Variants in DNMT3A observed in about 807,000 individuals in gnomAD.
The protein encoded by DNMT3A is DNA methyltransferase 3 alpha.
DNMT3A carries 267 observed loss-of-function variants against 117.6 expected under a neutral mutation model. The observed-to-expected ratio is 2.27, with a 90% CI of 2.05 to 2.51. The LOEUF is 2.51. Among genes scored for constraint, DNMT3A ranks in the 30% most tolerant of loss-of-function variants. The pLI is 0.00. For synonymous variants in DNMT3A, 432 were observed against 474.8 expected (o/e 0.91, Z 1.17); for missense variants, 1,029 against 1,260.2 (o/e 0.82, Z 2.78).
chr2:25,240,221 A>C, intron 19 of DNMT3A, 81 bp downstream of exon 19: 1 of 1,588,006 alleles, frequency 6.3e-7, no homozygotes, highest in Non-Finnish European at 8.6e-7. Flanking sequence ...CCAGCTCCAC[A>C]ATGCAGATGA....
intron 20 of DNMT3A, among the ~76,000 whole-genome samples, chr2:25,238,100 G>A: frequency 6.6e-6 from 1 of 152,238 alleles, no homozygotes; most frequent in African/African-American, 2.4e-5. Context: ...GAAAGAAGCA[G>A]GCGAGAAATC....
Position 25,282,773 on chromosome 2 carries a change from A to G in DNMT3A, c.178-62T>C, listed in dbSNP as rs963574826. ...GATCAGTGGGCTTAGCCTGTTTTGG[A>G]TCATTGACCGCTCTGAAATTCTAGA... On this transcript the variant is annotated intron_variant, in intron 3 of 22. Coordinates refer to ENST00000321117, the MANE Select transcript of DNMT3A (RefSeq NM_022552.5). The surrounding 1 kb of genome is among the most constrained non-coding windows in gnomAD (Gnocchi z 5.2). The G allele has an allele frequency of 1.1e-5, 16 of 1,476,858 alleles. No individual in the cohort carries two copies. Among genetic ancestry groups the G allele is most frequent in the Non-Finnish European group, 1.2e-5 (13 of 1,112,402 alleles). 91.5% of individuals were successfully genotyped at this position (1,476,858 alleles called of 1,614,324 possible). A position where few individuals can be genotyped will look rare whatever the true frequency, so the allele number is the denominator to read the frequency against.
In DNMT3A at chr2:25,306,247, G is replaced by A. The variant is rs992159057; in HGVS notation, c.73-6004C>T. On this transcript the variant is annotated intron_variant, in intron 2 of 22. Coordinates refer to ENST00000321117, the MANE Select transcript of DNMT3A (RefSeq NM_022552.5). The surrounding 1 kb of genome is among the most constrained non-coding windows in gnomAD (Gnocchi z 4.1). The stretch of plus-strand genomic sequence containing the variant: ...CCAACCTGCAGAGGCTGATCCCAGC[G>A]TGAGGGGTCAGGCAGTGGGCTGGGA... Among the ~76,000 whole-genome samples the A allele has an allele frequency of 3.3e-5, 5 of 152,340 alleles. No homozygotes were observed. Among genetic ancestry groups the A allele is most frequent in the African/African-American group, 7.2e-5 (3 of 41,570 alleles).
intron 6 of DNMT3A, among the ~76,000 whole-genome samples, chr2:25,255,786 T>C (rs1287083329): frequency 2.0e-5 from 3 of 152,242 alleles, no homozygotes; most frequent in African/African-American, 7.2e-5. Context: ...GGGTGCATCA[T>C]TCTCCTGGGT....
chr2:25,273,404 T>C (rs1337785421), intron 6 of DNMT3A, among the ~76,000 whole-genome samples: 1 of 152,186 alleles, frequency 6.6e-6, no homozygotes, highest in Non-Finnish European at 1.5e-5. Context: ...TGGCCTCTGT[T>C]CTGCACTTTC....
Position 25,252,276 on chromosome 2 carries a change from TG to T in DNMT3A, c.640-4025del. On this transcript the variant is annotated intron_variant, in intron 6 of 22. Coordinates refer to ENST00000321117, the MANE Select transcript of DNMT3A (RefSeq NM_022552.5). This position sits in a 1 kb window ranked among gnomAD's most constrained non-coding sequence, Gnocchi z 5.5. Reference sequence around the variant, plus strand: ...AAGCTCTGGAAGTAGCTGCCCGTCTTGGGGGAGGGGAAGGGGGCGATGGGGC... The same window carrying T: ...AAGCTCTGGAAGTAGCTGCCCGTCTTGGGGAGGGGAAGGGGGCGATGGGGC... 2.0e-6 allele frequency: 1 copy of T among 502,234 alleles called. No individual in the cohort carries two copies. 31.1% of individuals were successfully genotyped at this position (502,234 alleles called of 1,614,324 possible).
At chr2:25,340,621 G>A (rs1490434032) in intron 1 of DNMT3A, among the ~76,000 whole-genome samples, 1 of 152,124 alleles carries the variant, frequency 6.6e-6, no homozygotes, top group African/African-American at 2.4e-5. Flanking sequence ...CGGGGTGCGG[G>A]GACGTGGGGC....
chr2:25,320,854 G>A (rs777242233), intron 1 of DNMT3A, among the ~76,000 whole-genome samples: 12 of 152,160 alleles, frequency 7.9e-5, no homozygotes, highest in South Asian at 2.1e-4. Flanking sequence ...ATTATCGGCC[G>A]GGCGCGGTGG....
rs141988049 is a variant in DNMT3A at position 25,310,250 on chromosome 2, C to T, written c.72+3663G>A. Among the ~76,000 whole-genome samples the T allele has an allele frequency of 4.5e-3, 680 of 151,962 alleles. 5 individuals are homozygous for T. Among genetic ancestry groups the T allele is most frequent in the African/African-American group, 0.016 (647 of 41,432 alleles). ...AGGTGGCCCTTGGACTGTTCTTGGTCCCCTGTCCTGCTCCCTCTGCCCCCC... is the reference window on the plus strand; with the variant it reads ...AGGTGGCCCTTGGACTGTTCTTGGTTCCCTGTCCTGCTCCCTCTGCCCCCC... On this transcript the variant is annotated intron_variant, in intron 2 of 22. Transcript: ENST00000321117.
Position 25,232,687 on chromosome 2 carries a change from C to G in DNMT3A, c.*1592G>C, listed in dbSNP as rs1672932910. Reference sequence around the variant, plus strand: ...GGGAGCCAGGGCACCAGAGCCACCGCTAACTCAGAAGCACCCTGCTCCCGC... The same window carrying G: ...GGGAGCCAGGGCACCAGAGCCACCGGTAACTCAGAAGCACCCTGCTCCCGC... On this transcript the variant is annotated 3_prime_UTR_variant, in exon 23 of 23. Coordinates refer to ENST00000321117, the MANE Select transcript of DNMT3A (RefSeq NM_022552.5). This position sits in a 1 kb window ranked among gnomAD's most constrained non-coding sequence, Gnocchi z 4.1. 6.0e-6 allele frequency: 1 copy of G among 165,530 alleles called. No homozygotes were observed. Among genetic ancestry groups the G allele is most frequent in the Non-Finnish European group, 1.3e-5 (1 of 75,648 alleles). 10.3% of individuals were successfully genotyped at this position (165,530 alleles called of 1,614,324 possible). A position where few individuals can be genotyped will look rare whatever the true frequency, so the allele number is the denominator to read the frequency against.
At position 25,282,242 on chromosome 2, in the gene DNMT3A, T is replaced by C; in HGVS notation, c.448+199A>G. 3.1e-6 allele frequency: 4 copies of C among 1,310,090 alleles called. No homozygotes were observed. The highest frequency in any genetic ancestry group is 3.9e-6 in the Non-Finnish European group (4 of 1,028,952). 81.2% of individuals were successfully genotyped at this position (1,310,090 alleles called of 1,614,324 possible). ...ATACTGGCAACTAATTTTTTAAATG[T>C]TTAAAACACTCTATGGGCCAAATAA... On this transcript the variant is annotated intron_variant, in intron 4 of 22. Coordinates refer to ENST00000321117, the MANE Select transcript of DNMT3A (RefSeq NM_022552.5). The surrounding 1 kb of genome is among the most constrained non-coding windows in gnomAD (Gnocchi z 5.2).
rs1260905481 is a variant in DNMT3A, at chr2:25,254,689, C to A, written c.640-6437G>T. ...ACTGATACCTCTTCTGCATCCATGCCGGTCAACGGGCCTGAGAACTTACTT... is the reference window on the plus strand; with the variant it reads ...ACTGATACCTCTTCTGCATCCATGCAGGTCAACGGGCCTGAGAACTTACTT... On this transcript the variant is annotated intron_variant, in intron 6 of 22. Coordinates refer to ENST00000321117, the MANE Select transcript of DNMT3A (RefSeq NM_022552.5). The surrounding 1 kb of genome is among the most constrained non-coding windows in gnomAD (Gnocchi z 4.7). Among the ~76,000 whole-genome samples the A allele has an allele frequency of 6.6e-6, 1 of 152,158 alleles. No homozygotes were observed. Among genetic ancestry groups the A allele is most frequent in the African/African-American group, 2.4e-5 (1 of 41,436 alleles).
intron 1 of DNMT3A, among the ~76,000 whole-genome samples, chr2:25,326,114 G>A (rs1463518294): frequency 2.5e-3 from 293 of 117,638 alleles, no homozygotes; most frequent in African/African-American, 9.2e-3. Context: ...ATATATGTGT[G>A]TGTGTGTGTG....
At chr2:25,235,098 A>G (rs939071986) in intron 22 of DNMT3A, among the ~76,000 whole-genome samples, 3 of 152,022 alleles carry the variant, frequency 2.0e-5, no homozygotes, top group Admixed American at 1.3e-4. Flanking sequence ...TGGCACCACA[A>G]GTTAAGGTCC....
intron 3 of DNMT3A, among the ~76,000 whole-genome samples, chr2:25,297,042 A>G (rs2033130348): frequency 6.6e-6 from 1 of 152,142 alleles, no homozygotes; most frequent in South Asian, 2.1e-4. Flanking sequence ...CCAGGGCCAC[A>G]GCTGCAACAG....
rs778264097 is a variant in DNMT3A at position 25,252,199 on chromosome 2, A to G, written c.640-3947T>C. 4.5e-6 allele frequency: 7 copies of G among 1,563,468 alleles called. No homozygotes were observed. Among genetic ancestry groups the G allele is most frequent in the Non-Finnish European group, 5.2e-6 (6 of 1,156,422 alleles). On this transcript the variant is annotated intron_variant, in intron 6 of 22. Transcript: ENST00000321117. This position sits in a 1 kb window ranked among gnomAD's most constrained non-coding sequence, Gnocchi z 5.5. ...GGCTCCGTCCAGGAACCTACCCATAAGGCCAGGTGCAGCCCCTCTGCAGTC... is the reference window on the plus strand; with the variant it reads ...GGCTCCGTCCAGGAACCTACCCATAGGGCCAGGTGCAGCCCCTCTGCAGTC...
intron 1 of DNMT3A, among the ~76,000 whole-genome samples, chr2:25,332,857 T>C (rs2035066101): frequency 6.6e-6 from 1 of 152,198 alleles, no homozygotes; most frequent in African/African-American, 2.4e-5. Flanking sequence ...TAGGAGCCCT[T>C]GCTGCGTGCC....
intron 17 of DNMT3A, 38 bp from the exon 18 acceptor site, chr2:25,240,768 A>G (rs1342735261): frequency 6.3e-7 from 1 of 1,585,276 alleles, no homozygotes; most frequent in Non-Finnish European, 8.7e-7. Context: ...CCTGCTGTCC[A>G]GGGACAGAGG....
chr2:25,285,157 T>C (rs1054779303), intron 3 of DNMT3A, among the ~76,000 whole-genome samples: 7 of 152,176 alleles, frequency 4.6e-5, no homozygotes, highest in African/African-American at 1.7e-4. Context: ...TGTGCAGAGA[T>C]ACTGCCAAAT....
Sources: allele counts gnomAD v4.1 joint callset (sites outside exome capture counted in the v4.1 genomes callset), GRCh38; gene constraint gnomAD v4.1.1; non-coding constraint Gnocchi (gnomAD v3.1); transcripts MANE v1.5; gene names NCBI Gene and HGNC (gene_info 2026-07-23, HGNC 2026-07-21).